The following CAMK1D variants were observed in gnomAD, a reference collection of about 807,000 sequenced individuals.
The protein encoded by CAMK1D is calcium/calmodulin-dependent protein kinase type 1D.
Under a neutral mutation model 47.7 loss-of-function variants are expected in CAMK1D, and 9 were observed. The ratio of observed to expected loss-of-function variants is 0.19; its 90% confidence interval spans 0.11 to 0.33. The LOEUF is 0.33. CAMK1D is among the 10% of genes least tolerant of loss of function. The pLI, the probability that CAMK1D is intolerant of heterozygous loss-of-function variation, is 1.00. For synonymous variants in CAMK1D, 184 were observed against 184.9 expected, an observed-to-expected ratio of 0.99 and a Z score of 0.04; for missense variants, 291 against 488.7, an observed-to-expected ratio of 0.60 and a Z score of 3.81.
At chr10:12,541,322 C>A (rs1321849079) in intron 1 of CAMK1D, among the ~76,000 whole-genome samples, 1 of 152,158 alleles carries the variant, frequency 6.6e-6, no homozygotes, top group African/African-American at 2.4e-5. Context: ...ACACATTGAA[C>A]ATTGAGACCA....
intron 2 of CAMK1D, among the ~76,000 whole-genome samples, chr10:12,640,559 A>G (rs545727404): frequency 2.0e-4 from 30 of 152,170 alleles, no homozygotes; most frequent in Non-Finnish European, 3.4e-4. Flanking sequence ...TCAGAAGCAA[A>G]TGGTACTTTA....
chr10:12,548,412 T>C (rs1031345822), intron 1 of CAMK1D, among the ~76,000 whole-genome samples: 4 of 151,060 alleles, frequency 2.6e-5, no homozygotes, highest in African/African-American at 4.9e-5. Flanking sequence ...TTTATTGCAG[T>C]GAAATATACA....
At chr10:12,742,923 T>C (rs1294672646) in intron 3 of CAMK1D, among the ~76,000 whole-genome samples, 1 of 152,110 alleles carries the variant, frequency 6.6e-6, no homozygotes, top group African/African-American at 2.4e-5. Flanking sequence ...CACATATGGA[T>C]GTGCGCAAGA....
chr10:12,409,268 T>C (rs1286366848), intron 1 of CAMK1D, among the ~76,000 whole-genome samples: 1 of 152,148 alleles, frequency 6.6e-6, no homozygotes, highest in African/African-American at 2.4e-5. Context: ...TCATGGTCCC[T>C]ATTACGGTGG....
intron 1 of CAMK1D, among the ~76,000 whole-genome samples, chr10:12,522,633 A>G (rs897414289): frequency 2.6e-5 from 4 of 151,946 alleles, no homozygotes; most frequent in African/African-American, 7.2e-5. Context: ...TGATTGCTCA[A>G]TATTTTCCCC....
chr10:12,623,808 G>A (rs1839122387), intron 2 of CAMK1D, among the ~76,000 whole-genome samples: 1 of 152,124 alleles, frequency 6.6e-6, no homozygotes, highest in South Asian at 2.1e-4. Context: ...GCCGGGTGTG[G>A]TGGCTCACAC....
chr10:12,614,202 A>C (rs961364552), intron 2 of CAMK1D, among the ~76,000 whole-genome samples: 5 of 152,216 alleles, frequency 3.3e-5, no homozygotes, highest in Admixed American at 2.0e-4. Flanking sequence ...GCATGGCAAC[A>C]GGAGTTCCCT....
chr10:12,665,402 CTAAA>C (rs1355682449), intron 2 of CAMK1D, among the ~76,000 whole-genome samples: 2 of 152,214 alleles, frequency 1.3e-5, no homozygotes, highest in Non-Finnish European at 2.9e-5. Flanking sequence ...TTTTTCCTAA[CTAAA>C]TAAGGTTTCT....
intron 1 of CAMK1D, among the ~76,000 whole-genome samples, chr10:12,354,022 A>G (rs192182908): frequency 2.3e-4 from 35 of 152,284 alleles, no homozygotes; most frequent in Middle Eastern, 3.4e-3. Flanking sequence ...AGACTCATAG[A>G]AGTCACTTCT....
intron 2 of CAMK1D, among the ~76,000 whole-genome samples, chr10:12,571,465 A>G (rs940038989): frequency 4.0e-5 from 6 of 149,856 alleles, no homozygotes; most frequent in African/African-American, 1.2e-4. Flanking sequence ...AAAAAAAAAA[A>G]AAAAAAGAAA....
intron 5 of CAMK1D, among the ~76,000 whole-genome samples, chr10:12,787,689 G>C (rs1837792123): frequency 6.6e-6 from 1 of 152,204 alleles, no homozygotes; most frequent in South Asian, 2.1e-4. Context: ...CCCCGCGTTT[G>C]TTTCCAAGCA....
At chr10:12,588,305 A>T (rs1436909388) in intron 2 of CAMK1D, among the ~76,000 whole-genome samples, 2 of 152,106 alleles carry the variant, frequency 1.3e-5, no homozygotes, top group African/African-American at 4.8e-5. Flanking sequence ...TAATGATCGG[A>T]CACCCTGCAT....
At chr10:12,760,660 A>G (rs1836459174) in intron 3 of CAMK1D, 2 of 258,576 alleles carry the variant, frequency 7.7e-6, no homozygotes, top group Non-Finnish European at 1.5e-5. Context: ...GTTTTTTTAA[A>G]CTTTACATCA....
chr10:12,361,029 A>G (rs17151584), intron 1 of CAMK1D, among the ~76,000 whole-genome samples: 12,849 of 152,226 alleles, frequency 0.084, 716 homozygotes, highest in East Asian at 0.24. Context: ...CAAGCTTTCA[A>G]TGATCTCTTG....
At chr10:12,717,543 A>G (rs1834195227) in intron 3 of CAMK1D, among the ~76,000 whole-genome samples, 2 of 151,992 alleles carry the variant, frequency 1.3e-5, no homozygotes, top group Non-Finnish European at 2.9e-5. Context: ...TCCACGAAAA[A>G]AAGATTTTGA....
At chr10:12,433,825 C>G (rs1489112908) in intron 1 of CAMK1D, among the ~76,000 whole-genome samples, 1 of 152,230 alleles carries the variant, frequency 6.6e-6, no homozygotes, top group South Asian at 2.1e-4. Context: ...CAAACCCTCA[C>G]TTTGTAAAGG....
rs548547343 is a variant in CAMK1D, at chr10:12,721,194, A to G, written c.300-39754A>G. On this transcript the variant is annotated intron_variant, in intron 3 of 10. Transcript: ENST00000619168. ...ACAGAATAGCGTGGCCGTTAGTCTT[A>G]TATCCTGTCGTGGTTCCCCACACAT... Among the ~76,000 whole-genome samples the G allele has an allele frequency of 1.1e-4, 17 of 152,354 alleles. No homozygotes were observed. In the South Asian group the frequency reaches 2.3e-3, roughly 20 times the overall value.
At chr10:12,356,246 G>A (rs775546428) in intron 1 of CAMK1D, among the ~76,000 whole-genome samples, 10 of 152,200 alleles carry the variant, frequency 6.6e-5, no homozygotes, top group Non-Finnish European at 1.3e-4. Flanking sequence ...GAGCTGGTAG[G>A]AATTGCTGGT....
At chr10:12,468,568 G>T (rs963621656) in intron 1 of CAMK1D, among the ~76,000 whole-genome samples, 1 of 152,176 alleles carries the variant, frequency 6.6e-6, no homozygotes, top group African/African-American at 2.4e-5. Flanking sequence ...TCCTGGAGTG[G>T]CATGGCATGG....
Sources: allele counts gnomAD v4.1 joint callset (sites outside exome capture counted in the v4.1 genomes callset), GRCh38; gene constraint gnomAD v4.1.1; transcripts MANE v1.5; gene names NCBI Gene and HGNC (gene_info 2026-07-23, HGNC 2026-07-21).